PACSIN1: variants seen among roughly 807,000 people sequenced by gnomAD.
PACSIN1 encodes protein kinase C and casein kinase substrate in neurons 1.
In PACSIN1, 15 loss-of-function variants were observed where a neutral mutation model predicts 59.5. That is an observed-to-expected ratio of 0.25 (90% confidence interval 0.17 to 0.39). PACSIN1 has a LOEUF of 0.39. Among genes scored for constraint, PACSIN1 ranks in the 10% least tolerant of loss-of-function variants. The pLI, the probability that PACSIN1 is intolerant of heterozygous loss-of-function variation, is 1.00. For synonymous variants in PACSIN1, 210 were observed against 220.6 expected, an observed-to-expected ratio of 0.95 and a Z score of 0.42; for missense variants, 420 against 580.2, an observed-to-expected ratio of 0.72 and a Z score of 2.84.
At chr6:34,469,525 A>G (rs535689295) in intron 1 of PACSIN1, among the ~76,000 whole-genome samples, 1 of 152,248 alleles carries the variant, frequency 6.6e-6, no homozygotes, top group South Asian at 2.1e-4. Flanking sequence ...GTGGGATTGG[A>G]TGAAGGGGAA....
At chr6:34,479,098 C>T (rs1766680252) in intron 1 of PACSIN1, among the ~76,000 whole-genome samples, 1 of 152,176 alleles carries the variant, frequency 6.6e-6, no homozygotes, top group South Asian at 2.1e-4. Context: ...GAGGGCAGTG[C>T]CCCATAATCC....
intron 1 of PACSIN1, among the ~76,000 whole-genome samples, chr6:34,508,291 G>C (rs1767147252): frequency 6.6e-6 from 1 of 152,166 alleles, no homozygotes; most frequent in African/African-American, 2.4e-5. Flanking sequence ...TCTTAGTAGA[G>C]ATGGGGTTTC....
intron 1 of PACSIN1, among the ~76,000 whole-genome samples, chr6:34,486,176 G>A (rs1766791058): frequency 6.6e-6 from 1 of 151,982 alleles, no homozygotes. Flanking sequence ...GGGACAGGGG[G>A]CCTGGGAACC....
Position 34,471,799 on chromosome 6 carries a change from C to A in PACSIN1, c.-64+5529C>A, listed in dbSNP as rs533704283. Among the ~76,000 whole-genome samples, 429 of 152,284 alleles carry A rather than the reference C, an allele frequency of 2.8e-3. 4 individuals carry two copies. The highest frequency in any genetic ancestry group is 9.8e-3 in the African/African-American group (406 of 41,564). ...CAAAGATTAGCTGGGCAGAGACAGTCAGTGTAGCAAAGCTAGATGTCTGTC... is the reference window on the plus strand; with the variant it reads ...CAAAGATTAGCTGGGCAGAGACAGTAAGTGTAGCAAAGCTAGATGTCTGTC... On this transcript the variant is annotated intron_variant, in intron 1 of 9. Coordinates refer to ENST00000244458, the MANE Select transcript of PACSIN1 (RefSeq NM_020804.5).
chr6:34,520,168 G>A (rs1456492598), intron 1 of PACSIN1, among the ~76,000 whole-genome samples: 2 of 152,120 alleles, frequency 1.3e-5, no homozygotes, highest in Non-Finnish European at 2.9e-5. Flanking sequence ...TAGTGGACAC[G>A]GTGCATCTCA....
At chr6:34,500,654 C>T (rs1767011355) in intron 1 of PACSIN1, among the ~76,000 whole-genome samples, 1 of 152,222 alleles carries the variant, frequency 6.6e-6, no homozygotes, top group African/African-American at 2.4e-5. Context: ...GCTGCTTTAG[C>T]CCCTAACAAG....
intron 1 of PACSIN1, among the ~76,000 whole-genome samples, chr6:34,472,455 C>T (rs1223589609): frequency 6.6e-6 from 1 of 152,092 alleles, no homozygotes; most frequent in Non-Finnish European, 1.5e-5. Context: ...GAGAATGCGT[C>T]CTCTTTATTT....
intron 1 of PACSIN1, among the ~76,000 whole-genome samples, chr6:34,468,989 A>G (rs778946893): frequency 2.4e-4 from 37 of 152,324 alleles, no homozygotes; most frequent in Non-Finnish European, 5.0e-4. Flanking sequence ...TGAGGGACCC[A>G]TTCAGAAGTT....
chr6:34,517,693 T>C (rs1767317090), intron 1 of PACSIN1, among the ~76,000 whole-genome samples: 2 of 151,334 alleles, frequency 1.3e-5, no homozygotes, highest in South Asian at 4.2e-4. Context: ...TGACCTTCTC[T>C]GACCATCCTC....
chr6:34,482,070 G>GT (rs1393909301), intron 1 of PACSIN1, among the ~76,000 whole-genome samples: 1 of 151,748 alleles, frequency 6.6e-6, no homozygotes, highest in Non-Finnish European at 1.5e-5. Context: ...TTCTTTTTTT[G>GT]TTTTTTTGTT....
At chr6:34,472,623 A>T (rs1454480922) in intron 1 of PACSIN1, among the ~76,000 whole-genome samples, 2 of 152,202 alleles carry the variant, frequency 1.3e-5, no homozygotes, top group Non-Finnish European at 2.9e-5. Flanking sequence ...CATGTGAGTC[A>T]CATGCTGCCA....
intron 1 of PACSIN1, among the ~76,000 whole-genome samples, chr6:34,472,845 G>T (rs1766591456): frequency 1.3e-5 from 2 of 152,288 alleles, no homozygotes; most frequent in South Asian, 4.1e-4. Flanking sequence ...TGTAGCACTG[G>T]GGAGTCTTGT....
At chr6:34,502,214 A>G (rs757786880) in intron 1 of PACSIN1, among the ~76,000 whole-genome samples, 3 of 152,098 alleles carry the variant, frequency 2.0e-5, no homozygotes, top group Non-Finnish European at 4.4e-5. Context: ...CCAGTAAGAC[A>G]TTGGCAAGCA....
chr6:34,483,579 G>A (rs1393420686), intron 1 of PACSIN1, among the ~76,000 whole-genome samples: 1 of 149,488 alleles, frequency 6.7e-6, no homozygotes, highest in Non-Finnish European at 1.5e-5. Flanking sequence ...CTCCCTTTAC[G>A]TGGTTTCTGG....
chr6:34,472,389 C>T (rs956908078), intron 1 of PACSIN1, among the ~76,000 whole-genome samples: 1 of 149,040 alleles, frequency 6.7e-6, no homozygotes, highest in Non-Finnish European at 1.5e-5. Context: ...AGGCTGCATA[C>T]CTGATTGTGA....
At chr6:34,470,074 C>A in intron 1 of PACSIN1, among the ~76,000 whole-genome samples, 1 of 152,170 alleles carries the variant, frequency 6.6e-6, no homozygotes, top group Non-Finnish European at 1.5e-5. Context: ...GGGTCGGGGG[C>A]TCCCCTCCAC....
At chr6:34,467,553 C>CTTTTTTTTT (rs61324041) in intron 1 of PACSIN1, among the ~76,000 whole-genome samples, 1 of 90,810 alleles carries the variant, frequency 1.1e-5, no homozygotes, top group Non-Finnish European at 2.0e-5. Flanking sequence ...TAGGCCCTTC[C>CTTTTTTTTT]TTTTTTTTTT....
chr6:34,526,708 G>A (rs2127273240), intron 2 of PACSIN1, among the ~76,000 whole-genome samples: 1 of 152,304 alleles, frequency 6.6e-6, no homozygotes, highest in African/African-American at 2.4e-5. Context: ...CCCCCATCCT[G>A]AGGTGGGCAG....
chr6:34,497,755 T>A (rs1189595016), intron 1 of PACSIN1, among the ~76,000 whole-genome samples: 1 of 152,214 alleles, frequency 6.6e-6, no homozygotes, highest in Non-Finnish European at 1.5e-5. Context: ...GTCAAAGCAA[T>A]GGGCATGGCA....
Sources: allele counts gnomAD v4.1 joint callset (sites outside exome capture counted in the v4.1 genomes callset), GRCh38; gene constraint gnomAD v4.1.1; transcripts MANE v1.5; gene names NCBI Gene and HGNC (gene_info 2026-07-23, HGNC 2026-07-21).